Variants in TMEM117 observed in about 807,000 individuals in gnomAD.
TMEM117 encodes the protein transmembrane protein 117.
A neutral mutation model predicts 52.4 loss-of-function variants in TMEM117; 27 were observed. The observed-to-expected ratio is 0.51, with a 90% CI of 0.38 to 0.71. The LOEUF (loss-of-function observed/expected upper bound fraction) is 0.71. Ranked by LOEUF, TMEM117 falls within the 30% of genes least tolerant of loss-of-function variation. The pLI is 0.00. For missense variants in TMEM117, 556 were observed against 630.5 expected (o/e 0.88, Z 1.26); for synonymous variants, 215 against 206.3 (o/e 1.04, Z -0.36).
chr12:43,856,628 T>A (rs1229826896), intron 2 of TMEM117, among the ~76,000 whole-genome samples: 2 of 152,248 alleles, frequency 1.3e-5, no homozygotes, highest in Non-Finnish European at 2.9e-5. Context: ...TACTCTTTTT[T>A]GTCAGGCTTC....
chr12:43,935,301 T>G (rs114149296), intron 2 of TMEM117, among the ~76,000 whole-genome samples: 1 of 152,214 alleles, frequency 6.6e-6, no homozygotes, highest in African/African-American at 2.4e-5. Flanking sequence ...AAGCTTGTGA[T>G]GAATTCTTAA....
intron 3 of TMEM117, among the ~76,000 whole-genome samples, chr12:44,132,303 CT>C (rs1239735659): frequency 6.6e-5 from 10 of 151,594 alleles, no homozygotes; most frequent in African/African-American, 2.4e-4. Flanking sequence ...TATTTTAAAG[CT>C]CCTTCTCATT....
At chr12:43,806,371 C>G in the TMEM117 span, 1 of 1,229,956 alleles carries the variant, frequency 8.1e-7, no homozygotes, top group Non-Finnish European at 1.0e-6. Flanking sequence ...GCGGCCGCCC[C>G]GCCCCGTGAG....
At chr12:44,250,335 A>G (rs1257103520) in intron 5 of TMEM117, among the ~76,000 whole-genome samples, 2 of 152,196 alleles carry the variant, frequency 1.3e-5, no homozygotes, top group Non-Finnish European at 2.9e-5. Flanking sequence ...AAGTCAGGAA[A>G]CGGTAGATAC....
rs183386296 is a variant in TMEM117, at chr12:44,342,906, C to T, written c.769-33689C>T. 1.7e-3 allele frequency among the ~76,000 whole-genome samples: 253 copies of T among 152,020 alleles called. 2 individuals are homozygous for T. The highest frequency in any genetic ancestry group is 5.9e-3 in the African/African-American group (244 of 41,468). On this transcript the variant is annotated intron_variant, in intron 6 of 7. Coordinates refer to ENST00000266534, the MANE Select transcript of TMEM117 (RefSeq NM_032256.3). ...TTCTGAGACAGTCTCACTCTGTTGC[C>T]CAGACTGGAATGAAGTGGCACAATC...
intron 5 of TMEM117, among the ~76,000 whole-genome samples, chr12:44,294,127 C>T (rs1030045071): frequency 6.6e-6 from 1 of 152,088 alleles, no homozygotes; most frequent in Non-Finnish European, 1.5e-5. Flanking sequence ...TATCATTCCA[C>T]TCTCTCCTGG....
intron 4 of TMEM117, among the ~76,000 whole-genome samples, chr12:44,195,517 G>A (rs778004305): frequency 2.6e-5 from 4 of 151,838 alleles, no homozygotes; most frequent in South Asian, 2.1e-4. Context: ...GGTCATTCTC[G>A]GAATTCCATC....
intron 4 of TMEM117, among the ~76,000 whole-genome samples, chr12:44,170,079 T>A (rs183884593): frequency 0.022 from 3,265 of 151,854 alleles, 52 homozygotes; most frequent in Middle Eastern, 0.085. Context: ...ATTAAGAAAA[T>A]GTGGCACATA....
intron 2 of TMEM117, among the ~76,000 whole-genome samples, chr12:43,884,983 G>T (rs564921774): frequency 6.6e-6 from 1 of 152,260 alleles, no homozygotes; most frequent in South Asian, 2.1e-4. Context: ...CGCTCGCAAC[G>T]TATTTTCATA....
At chr12:43,992,165 C>T (rs2137752524) in intron 3 of TMEM117, among the ~76,000 whole-genome samples, 2 of 151,852 alleles carry the variant, frequency 1.3e-5, no homozygotes, top group South Asian at 4.2e-4. Context: ...TGAGTAAGAT[C>T]CTGTCTCCAA....
At chr12:44,316,115 A>T (rs376971997) in intron 6 of TMEM117, among the ~76,000 whole-genome samples, 15 of 152,186 alleles carry the variant, frequency 9.9e-5, no homozygotes, top group East Asian at 5.8e-4. Context: ...TGGTGAAATT[A>T]TTAACTGGTT....
intron 2 of TMEM117, among the ~76,000 whole-genome samples, chr12:43,879,039 G>T (rs1943851035): frequency 6.6e-6 from 1 of 152,122 alleles, no homozygotes; most frequent in Admixed American, 6.6e-5. Context: ...AGTTTGTCAA[G>T]CATGATCAGA....
chr12:44,352,757 C>T (rs571377317), intron 6 of TMEM117, among the ~76,000 whole-genome samples: 69 of 152,150 alleles, frequency 4.5e-4, no homozygotes, highest in African/African-American at 1.5e-3. Flanking sequence ...AATAAACATA[C>T]GTGTTCATGT....
intron 5 of TMEM117, among the ~76,000 whole-genome samples, chr12:44,295,949 C>T (rs1243891411): frequency 6.6e-6 from 1 of 152,170 alleles, no homozygotes; most frequent in Non-Finnish European, 1.5e-5. Flanking sequence ...GAACAAATAC[C>T]TGTTCAAGTC....
At chr12:43,957,237 G>C (rs958136727) in intron 3 of TMEM117, among the ~76,000 whole-genome samples, 1 of 151,980 alleles carries the variant, frequency 6.6e-6, no homozygotes, top group Non-Finnish European at 1.5e-5. Flanking sequence ...GATAGGTGCA[G>C]CAAACCACCA....
At chr12:43,897,577 T>G (rs1450797510) in intron 2 of TMEM117, among the ~76,000 whole-genome samples, 1 of 151,300 alleles carries the variant, frequency 6.6e-6, no homozygotes, top group Non-Finnish European at 1.5e-5. Flanking sequence ...CCTCCCAAAG[T>G]GTTGGAATTA....
In TMEM117 at chr12:43,986,449, G is replaced by T. The variant is rs574730267; in HGVS notation, c.410+42107G>T. Among the ~76,000 whole-genome samples the T allele has an allele frequency of 2.7e-4, 41 of 152,150 alleles. 2 individuals carry two copies. Among genetic ancestry groups the T allele is most frequent in the African/African-American group, 9.9e-4 (41 of 41,532 alleles). ...AGCACTTTGAAGACATTACTTTGTT[G>T]TCCTATGGCATCTATTATTGCTGAT... On this transcript the variant is annotated intron_variant, in intron 3 of 7. Transcript: ENST00000266534.
intron 5 of TMEM117, among the ~76,000 whole-genome samples, chr12:44,281,287 A>G (rs1413436628): frequency 1.3e-5 from 2 of 151,976 alleles, no homozygotes; most frequent in Non-Finnish European, 2.9e-5. Context: ...AAATTATTTT[A>G]TGTTTATAAT....
chr12:43,891,029 G>T (rs1264803382), intron 2 of TMEM117, among the ~76,000 whole-genome samples: 2 of 151,870 alleles, frequency 1.3e-5, no homozygotes, highest in Admixed American at 1.3e-4. Flanking sequence ...CCCAGAGGTG[G>T]TCATGCATGT....
Sources: gnomAD v4.1 joint callset for allele counts (sites outside exome capture counted in the v4.1 genomes callset) on GRCh38, gnomAD v4.1.1 for gene constraint, MANE v1.5 for transcripts, NCBI Gene and HGNC (gene_info 2026-07-23, HGNC 2026-07-21) for gene names.